The following EPHB1 variants were observed in gnomAD, a reference collection of about 807,000 sequenced individuals.
EPHB1 encodes ephrin type-B receptor 1.
EPHB1 carries 30 observed loss-of-function variants against 94.4 expected under a neutral mutation model. The ratio of observed to expected loss-of-function variants is 0.32; its 90% CI spans 0.24 to 0.43. The LOEUF (loss-of-function observed/expected upper bound fraction) is 0.43. Among genes scored for constraint, EPHB1 ranks in the 20% least tolerant of loss-of-function variants. The pLI is 1.00. For synonymous variants in EPHB1, 522 were observed against 489.1 expected (o/e 1.07, Z -0.89); for missense variants, 1,055 against 1,308.3 (o/e 0.81, Z 2.99).
At chr3:135,103,181 A>C (rs545920556) in intron 3 of EPHB1, among the ~76,000 whole-genome samples, 2 of 152,230 alleles carry the variant, frequency 1.3e-5, no homozygotes, top group Non-Finnish European at 2.9e-5. Flanking sequence ...AAATGAATTT[A>C]GGAATGCTGC....
At chr3:135,192,926 T>G (rs1942497938) in intron 11 of EPHB1, 103 bp downstream of exon 11, 5 of 1,470,146 alleles carry the variant, frequency 3.4e-6, no homozygotes, top group Middle Eastern at 3.9e-4. Context: ...AATCGCCTGA[T>G]CCAGTGTGAA....
chr3:135,121,092 A>G (rs1359469852), intron 4 of EPHB1, among the ~76,000 whole-genome samples: 2 of 152,176 alleles, frequency 1.3e-5, no homozygotes, highest in African/African-American at 4.8e-5. Context: ...CCCTTCCCTC[A>G]TCAGTGCCTA....
At chr3:135,046,884 A>G (rs1559808276) in intron 3 of EPHB1, among the ~76,000 whole-genome samples, 1 of 152,232 alleles carries the variant, frequency 6.6e-6, no homozygotes, top group African/African-American at 2.4e-5. Context: ...AGCAGTACCT[A>G]TTCTTATTGT....
intron 1 of EPHB1, among the ~76,000 whole-genome samples, chr3:134,830,097 C>A (rs2036554127): frequency 6.6e-6 from 1 of 152,168 alleles, no homozygotes; most frequent in Non-Finnish European, 1.5e-5. Context: ...CAGCCCTTCA[C>A]CTGCATTTCT....
intron 12 of EPHB1, among the ~76,000 whole-genome samples, chr3:135,220,774 A>G (rs1412646993): frequency 6.6e-6 from 1 of 152,156 alleles, no homozygotes; most frequent in East Asian, 1.9e-4. Flanking sequence ...AGTGTTATCT[A>G]TAAAATGCGA....
chr3:135,019,507 C>T (rs1935918266), intron 3 of EPHB1, among the ~76,000 whole-genome samples: 2 of 152,110 alleles, frequency 1.3e-5, no homozygotes, highest in South Asian at 4.1e-4. Context: ...TAAAATATGC[C>T]TATCGTAGAA....
chr3:134,939,092 C>G (rs2039065483), intron 2 of EPHB1, among the ~76,000 whole-genome samples: 2 of 152,178 alleles, frequency 1.3e-5, no homozygotes, highest in South Asian at 2.1e-4. Flanking sequence ...CTGCATTTCT[C>G]TACCATCCAA....
intron 2 of EPHB1, among the ~76,000 whole-genome samples, chr3:134,941,399 A>G (rs943458465): frequency 6.8e-6 from 1 of 147,132 alleles, no homozygotes; most frequent in Non-Finnish European, 1.5e-5. Context: ...GGAGGGGCCA[A>G]CTATCAAACA....
intron 11 of EPHB1, among the ~76,000 whole-genome samples, chr3:135,198,567 A>G (rs535638097): frequency 6.6e-6 from 1 of 152,256 alleles, no homozygotes; most frequent in South Asian, 2.1e-4. Context: ...GGGCTCCCCA[A>G]GGACAATGAT....
At chr3:135,251,909 G>T (rs2107733004) in intron 15 of EPHB1, among the ~76,000 whole-genome samples, 1 of 152,294 alleles carries the variant, frequency 6.6e-6, no homozygotes, top group Non-Finnish European at 1.5e-5. Flanking sequence ...CTGCATGGGT[G>T]CTGAGAACCA....
At chr3:135,065,143 G>A (rs1032043946) in intron 3 of EPHB1, among the ~76,000 whole-genome samples, 1 of 152,096 alleles carries the variant, frequency 6.6e-6, no homozygotes, top group South Asian at 2.1e-4. Flanking sequence ...CTTGGAGAAA[G>A]TTCCGTGCAC....
intron 3 of EPHB1, among the ~76,000 whole-genome samples, chr3:134,958,066 T>G (rs948560567): frequency 5.3e-5 from 8 of 152,180 alleles, no homozygotes; most frequent in Non-Finnish European, 2.9e-5. Flanking sequence ...TGGCTGCTTC[T>G]TCATTCCTCC....
At position 135,242,355 on chromosome 3, in the gene EPHB1, C is replaced by A. The variant is rs113586663; in HGVS notation, c.2496+1058C>A. ...ATCTGAGTCCACTGGCAGCCAGCCACACTGTAACCCCCTCTGTGCTAGGGT... is the reference window on the plus strand; with the variant it reads ...ATCTGAGTCCACTGGCAGCCAGCCAAACTGTAACCCCCTCTGTGCTAGGGT... On this transcript the variant is annotated intron_variant, in intron 13 of 15. Coordinates refer to ENST00000398015, the MANE Select transcript of EPHB1 (RefSeq NM_004441.5). Among the ~76,000 whole-genome samples the A allele has an allele frequency of 1.5e-3, 235 of 152,280 alleles. 1 individual carries two copies. The highest frequency in any genetic ancestry group is 5.4e-3 in the African/African-American group (224 of 41,564).
intron 3 of EPHB1, among the ~76,000 whole-genome samples, chr3:135,075,995 C>G (rs991909055): frequency 2.0e-5 from 3 of 152,062 alleles, no homozygotes; most frequent in Non-Finnish European, 4.4e-5. Context: ...TTTGGAAGTG[C>G]TGAAACAATT....
chr3:135,242,954 T>C (rs1399108558), intron 13 of EPHB1, among the ~76,000 whole-genome samples: 1 of 151,408 alleles, frequency 6.6e-6, no homozygotes, highest in Non-Finnish European at 1.5e-5. Context: ...CACATGCCTG[T>C]AATCTCAGCT....
intron 9 of EPHB1, among the ~76,000 whole-genome samples, chr3:135,168,081 G>A (rs1941700171): frequency 6.6e-6 from 1 of 152,236 alleles, no homozygotes; most frequent in African/African-American, 2.4e-5. Context: ...GCACCATGAA[G>A]GAGCTTGTGT....
chr3:135,253,466 G>A (rs1205055522), intron 15 of EPHB1, among the ~76,000 whole-genome samples: 2 of 151,310 alleles, frequency 1.3e-5, no homozygotes, highest in African/African-American at 2.4e-5. Flanking sequence ...TTATTAAATA[G>A]GGAATCCTTT....
chr3:135,217,253 A>G (rs36119343), intron 12 of EPHB1, among the ~76,000 whole-genome samples: 44,617 of 151,716 alleles, frequency 0.29, 6,738 homozygotes, highest in Non-Finnish European at 0.33. Context: ...AGTGCTGAGG[A>G]TAGGCATCAC....
intron 4 of EPHB1, among the ~76,000 whole-genome samples, chr3:135,121,068 T>C (rs2107805936): frequency 6.6e-6 from 1 of 152,326 alleles, no homozygotes. Context: ...AAGAAACACC[T>C]TAGAAGTCCC....
Sources: allele counts gnomAD v4.1 joint callset (sites outside exome capture counted in the v4.1 genomes callset), GRCh38; gene constraint gnomAD v4.1.1; transcripts MANE v1.5; gene names NCBI Gene and HGNC (gene_info 2026-07-23, HGNC 2026-07-21).